Variants in GARNL3 observed in about 807,000 individuals in gnomAD.
GARNL3 encodes GTPase activating Rap/RanGAP domain like 3.
A neutral mutation model predicts 125.0 loss-of-function variants in GARNL3; 63 were observed. The observed-to-expected ratio is 0.50, with a 90% CI of 0.41 to 0.62. GARNL3 has a LOEUF of 0.62. Among genes scored for constraint, GARNL3 ranks in the 20% least tolerant of loss-of-function variants. GARNL3 has a pLI of 0.00. For missense variants in GARNL3, 994 were observed against 1,244.0 expected, an observed-to-expected ratio of 0.80 and a Z score of 3.02; for synonymous variants, 439 against 457.5, an observed-to-expected ratio of 0.96 and a Z score of 0.52.
chr9:127,362,264 A>C (rs1831051369), intron 21 of GARNL3: 1 of 150,060 alleles, frequency 6.7e-6, no homozygotes, highest in African/African-American at 2.5e-5. Flanking sequence ...TTTTTAGTAG[A>C]GACAGGGTTT....
chr9:127,274,918 G>C (rs1564870685), intron 1 of GARNL3, among the ~76,000 whole-genome samples: 1 of 151,958 alleles, frequency 6.6e-6, no homozygotes, highest in African/African-American at 2.4e-5. Context: ...GACTTTCTTG[G>C]TGTCTGTTTG....
chr9:127,252,770 G>A (rs1156348623), intron 2 of GARNL3, among the ~76,000 whole-genome samples: 4 of 152,234 alleles, frequency 2.6e-5, no homozygotes, highest in Admixed American at 6.5e-5. Flanking sequence ...GCAATAAAAT[G>A]CAGATATCTT....
intron 1 of GARNL3, among the ~76,000 whole-genome samples, chr9:127,275,091 ATAATG>A (rs1439301135): frequency 2.6e-5 from 4 of 152,262 alleles, no homozygotes; most frequent in African/African-American, 7.2e-5. Flanking sequence ...ATTAAAATAT[ATAATG>A]TAATATACCT....
At chr9:127,369,107 T>C (rs1202459740) in intron 22 of GARNL3, 5 of 135,750 alleles carry the variant, frequency 3.7e-5, no homozygotes, top group African/African-American at 5.4e-5. Context: ...TTTTATTAAA[T>C]GGTGTTCAGT....
rs746683542 is a variant in GARNL3, at chr9:127,336,192, C to A, written c.938C>A (p.Ser313Tyr). 15 of 1,614,052 alleles carry A rather than the reference C, an allele frequency of 9.3e-6. No individual in the cohort carries two copies. The East Asian group carries it at 3.3e-4, about 36-fold the overall frequency. Residue 313 changes from serine (S) to tyrosine (Y), a missense_variant, in exon 11 of 28, where the codon TCT (serine) becomes TAT (tyrosine). Coordinates refer to ENST00000373387, the MANE Select transcript of GARNL3 (RefSeq NM_032293.5). ...VTIVFQEGEE[S>Y]SPAFKPSMIR... ...ATTGTGTTCCAAGAAGGAGAGGAAT[C>A]TTCTCCTGCCTTTAAGCCTTCCATG...
In GARNL3 at chr9:127,390,912, G is replaced by A. The variant is rs932946804; in HGVS notation, c.2870+145G>A. The A allele has an allele frequency of 1.7e-5, 13 of 781,742 alleles. No homozygotes were observed. The East Asian group carries it at 3.5e-4, about 21-fold the overall frequency. 48.4% of individuals were successfully genotyped at this position (781,742 alleles called of 1,614,324 possible). ...GCCAGCAGCCTGTTCCTCTCTGAGG[G>A]TCCCCAGACCCTCAGGCCTGCCAGG... On this transcript the variant is annotated intron_variant, in intron 27 of 27. Transcript: ENST00000373387.
intron 1 of GARNL3, among the ~76,000 whole-genome samples, chr9:127,269,150 C>T (rs2063763609): frequency 6.6e-6 from 1 of 152,094 alleles, no homozygotes. Flanking sequence ...AGATGCATGC[C>T]ACCACACCGG....
intron 1 of GARNL3, among the ~76,000 whole-genome samples, chr9:127,237,104 G>A (rs886803955): frequency 6.6e-6 from 1 of 152,236 alleles, no homozygotes; most frequent in Non-Finnish European, 1.5e-5. Context: ...GGGCTGGAGA[G>A]CCGACTGCTG....
intron 1 of GARNL3, among the ~76,000 whole-genome samples, chr9:127,236,483 A>G (rs776516861): frequency 2.0e-5 from 3 of 152,200 alleles, no homozygotes; most frequent in Non-Finnish European, 4.4e-5. Context: ...TATTGTCTCT[A>G]GACCAGACAG....
At chr9:127,298,138 C>G (rs2064663324) in intron 2 of GARNL3, among the ~76,000 whole-genome samples, 3 of 152,190 alleles carry the variant, frequency 2.0e-5, no homozygotes, top group Admixed American at 6.6e-5. Flanking sequence ...TCTGCCCCAA[C>G]TTGATATCAC....
At chr9:127,376,248 C>T (rs1160634814) in intron 22 of GARNL3, among the ~76,000 whole-genome samples, 3 of 152,190 alleles carry the variant, frequency 2.0e-5, no homozygotes, top group Non-Finnish European at 4.4e-5. Context: ...GCGTGAGCCA[C>T]TGCACCCAGC....
intron 2 of GARNL3, chr9:127,243,333 C>T: frequency 8.8e-7 from 1 of 1,135,192 alleles, no homozygotes; most frequent in Non-Finnish European, 1.2e-6. Context: ...GAAGAATATA[C>T]TTTTTACTTC....
intron 1 of GARNL3, among the ~76,000 whole-genome samples, chr9:127,226,134 TAA>T (rs2062909015): frequency 6.6e-6 from 1 of 152,208 alleles, no homozygotes; most frequent in Non-Finnish European, 1.5e-5. Context: ...GAGGTCTTCC[TAA>T]AGCCGTGACT....
intron 17 of GARNL3, among the ~76,000 whole-genome samples, chr9:127,349,292 C>A (rs1257590701): frequency 6.6e-6 from 1 of 151,988 alleles, no homozygotes; most frequent in Non-Finnish European, 1.5e-5. Context: ...TATCAAATGA[C>A]CTGCAAAAAG....
chr9:127,311,980 A>G (rs2065110218), intron 3 of GARNL3, among the ~76,000 whole-genome samples: 1 of 152,220 alleles, frequency 6.6e-6, no homozygotes, highest in Non-Finnish European at 1.5e-5. Flanking sequence ...AGAGCTAAAG[A>G]TTAGATCATC....
At chr9:127,237,883 G>A (rs2063140365) in intron 1 of GARNL3, among the ~76,000 whole-genome samples, 2 of 152,224 alleles carry the variant, frequency 1.3e-5, no homozygotes, top group African/African-American at 4.8e-5. Context: ...GTATTCCCCA[G>A]TGTCAGTTCC....
In GARNL3 at chr9:127,383,486, T is replaced by C. The variant is rs1412756976; in HGVS notation, c.2210T>C (p.Leu737Ser). 1 of 1,613,804 alleles carries C rather than the reference T, an allele frequency of 6.2e-7. No individual in the cohort carries two copies. The highest frequency in any genetic ancestry group is 8.5e-7 in the Non-Finnish European group (1 of 1,179,878). Residue 737 changes from leucine (L) to serine (S), a missense_variant, in exon 23 of 28, where the codon TTG (leucine) becomes TCG (serine). Physicochemically the swap from Leu to Ser is moderately radical, Grantham distance 145. Coordinates refer to ENST00000373387, the MANE Select transcript of GARNL3 (RefSeq NM_032293.5). ...TGCCCCTTTAATGGTGGCTCTTTTT[T>C]GGTTCAACCTTCTGCGTCAGATTTC... ...KVCPFNGGSF[L>S]VQPSASDFQF...
intron 22 of GARNL3, among the ~76,000 whole-genome samples, chr9:127,375,139 C>T (rs937618926): frequency 2.0e-5 from 3 of 152,058 alleles, no homozygotes; most frequent in African/African-American, 7.2e-5. Flanking sequence ...ATGGCCCAGC[C>T]GTTCCACTTC....
chr9:127,386,013 C>T (rs1187466623), intron 24 of GARNL3, among the ~76,000 whole-genome samples: 2 of 152,216 alleles, frequency 1.3e-5, no homozygotes, highest in African/African-American at 4.8e-5. Context: ...TTGTAAATAG[C>T]TTACAATTTA....
Sources: gnomAD v4.1 joint callset for allele counts (sites outside exome capture counted in the v4.1 genomes callset) on GRCh38, gnomAD v4.1.1 for gene constraint, MANE v1.5 for transcripts, NCBI Gene and HGNC (gene_info 2026-07-23, HGNC 2026-07-21) for gene names.